KATNAL2: variants seen among roughly 807,000 people sequenced by gnomAD.
KATNAL2 encodes the protein katanin catalytic subunit A1 like 2.
A neutral mutation model predicts 76.3 loss-of-function variants in KATNAL2; 52 were observed. That is an observed-to-expected ratio of 0.68 (90% CI 0.55 to 0.86). KATNAL2 has a LOEUF of 0.86. KATNAL2 is among the 40% of genes least tolerant of loss of function. The pLI, the probability that KATNAL2 is intolerant of heterozygous loss-of-function variation, is 0.00. For missense variants in KATNAL2, 660 were observed against 668.9 expected, an observed-to-expected ratio of 0.99 and a Z score of 0.15; for synonymous variants, 243 against 244.2, an observed-to-expected ratio of 1.00 and a Z score of 0.05.
intron 1 of KATNAL2, among the ~76,000 whole-genome samples, chr18:46,921,341 T>G (rs1162123236): frequency 6.6e-6 from 1 of 152,196 alleles, no homozygotes; most frequent in African/African-American, 2.4e-5. Context: ...TTGGTCAGGC[T>G]AGTCTTGAAC....
At chr18:47,068,746 C>T (rs1208277975) in intron 11 of KATNAL2, among the ~76,000 whole-genome samples, 1 of 152,160 alleles carries the variant, frequency 6.6e-6, no homozygotes, top group Non-Finnish European at 1.5e-5. Flanking sequence ...AATGCGTTTG[C>T]CCCTGAATAT....
intron 3 of KATNAL2, among the ~76,000 whole-genome samples, chr18:46,950,614 C>G (rs932021083): frequency 4.6e-5 from 7 of 152,140 alleles, no homozygotes; most frequent in African/African-American, 1.7e-4. Flanking sequence ...TCAACTGGCC[C>G]TTACTTAATT....
chr18:47,088,420 C>T (rs965464968), intron 15 of KATNAL2, among the ~76,000 whole-genome samples: 2 of 152,194 alleles, frequency 1.3e-5, no homozygotes, highest in Non-Finnish European at 2.9e-5. Flanking sequence ...GCTACTCCAT[C>T]TTGGCCAAAG....
At chr18:46,920,199 T>TA in intron 1 of KATNAL2, 2 of 549,718 alleles carry the variant, frequency 3.6e-6, no homozygotes, top group South Asian at 3.0e-5. Flanking sequence ...TTAAGGACTG[T>TA]TATGTCATTC....
chr18:47,075,518 G>T (rs1441253769), intron 14 of KATNAL2, 150 bp downstream of exon 14: 1 of 468,370 alleles, frequency 2.1e-6, no homozygotes, highest in South Asian at 7.1e-5. Context: ...ACATGGAAAG[G>T]TCTTTAAATT....
At chr18:47,099,525 C>G in intron 16 of KATNAL2, 120 bp downstream of exon 16, 1 of 911,036 alleles carries the variant, frequency 1.1e-6, no homozygotes, top group Non-Finnish European at 1.6e-6. Context: ...ATCCAAGCTG[C>G]CCCCGTAATG....
intron 15 of KATNAL2, among the ~76,000 whole-genome samples, chr18:47,096,508 A>T (rs1359716630): frequency 6.6e-6 from 1 of 152,064 alleles, no homozygotes; most frequent in Non-Finnish European, 1.5e-5. Context: ...CACCCGGCTA[A>T]TTTTTATATT....
chr18:46,960,158 T>C (rs577772602), intron 3 of KATNAL2, among the ~76,000 whole-genome samples: 206 of 152,244 alleles, frequency 1.4e-3, no homozygotes, highest in Non-Finnish European at 2.4e-3. Flanking sequence ...AAAAAGCGGC[T>C]GGGCACTGTG....
intron 3 of KATNAL2, among the ~76,000 whole-genome samples, chr18:46,955,146 CTT>C: frequency 7.4e-6 from 1 of 135,064 alleles, no homozygotes; most frequent in African/African-American, 2.8e-5. Flanking sequence ...CTCTCTCTTT[CTT>C]TCTTTCTTTC....
rs759425409 is a variant in KATNAL2, at chr18:47,099,416, C to G, written c.1374+11C>G. 1 of 1,601,484 alleles carries G rather than the reference C, an allele frequency of 6.2e-7. No individual in the cohort carries two copies. The highest frequency in any genetic ancestry group is 1.7e-4 in the Middle Eastern group (1 of 6,014). On this transcript the variant is annotated intron_variant, in intron 16 of 17. Coordinates refer to ENST00000683218, the MANE Select transcript of KATNAL2 (RefSeq NM_001387690.1). ...AGTGTGCTGAGCCAGGTCAGCTGCC[C>G]TGGAGAGGGGCACATGTAGGTCAAG...
In KATNAL2 at chr18:47,069,522, A is replaced by G. The variant is rs749279294; in HGVS notation, c.930A>G (p.Glu310=). Reference sequence around the variant, plus strand: ...TACTGGCCAAAGCTGTGGCCACTGAATGTAAAACAACCTTCTTTAACATTT... The same window carrying G: ...TACTGGCCAAAGCTGTGGCCACTGAGTGTAAAACAACCTTCTTTAACATTT... ...KTLLAKAVAT[E]CKTTFFNISA... is the part of the protein sequence containing the mutation. Residue 310 remains glutamate (E), a synonymous_variant, in exon 13 of 18, where the codon GAA becomes GAG. Coordinates refer to ENST00000683218, the MANE Select transcript of KATNAL2 (RefSeq NM_001387690.1). 1 of 1,614,042 alleles carries G rather than the reference A, an allele frequency of 6.2e-7. No individual in the cohort carries two copies. The highest frequency in any genetic ancestry group is 1.1e-5 in the South Asian group (1 of 91,056).
intron 1 of KATNAL2, among the ~76,000 whole-genome samples, chr18:46,927,127 A>G (rs2058752809): frequency 6.6e-6 from 1 of 152,118 alleles, no homozygotes; most frequent in Non-Finnish European, 1.5e-5. Context: ...TCCTGTCATT[A>G]TGATGTTAGC....
At chr18:47,086,443 G>C (rs1243353951) in intron 15 of KATNAL2, among the ~76,000 whole-genome samples, 1 of 152,078 alleles carries the variant, frequency 6.6e-6, no homozygotes, top group African/African-American at 2.4e-5. Flanking sequence ...AACCTCCCAA[G>C]TAGCTGGGAT....
intron 3 of KATNAL2, among the ~76,000 whole-genome samples, chr18:47,042,942 C>G (rs961179693): frequency 1.3e-5 from 2 of 152,100 alleles, no homozygotes; most frequent in African/African-American, 2.4e-5. Context: ...AAAATGAGAT[C>G]GTAGGCTGGG....
At chr18:47,043,984 T>G (rs2147041056) in intron 3 of KATNAL2, among the ~76,000 whole-genome samples, 1 of 152,274 alleles carries the variant, frequency 6.6e-6, no homozygotes, top group East Asian at 1.9e-4. Flanking sequence ...CTCATCTGTC[T>G]TAAAGGAAGT....
At chr18:47,043,985 TA>T (rs2061062896) in intron 3 of KATNAL2, among the ~76,000 whole-genome samples, 1 of 152,114 alleles carries the variant, frequency 6.6e-6, no homozygotes, top group African/African-American at 2.4e-5. Context: ...TCATCTGTCT[TA>T]AAGGAAGTGA....
intron 13 of KATNAL2, among the ~76,000 whole-genome samples, 182 bp downstream of exon 13, chr18:47,069,782 C>T (rs1351313542): frequency 2.0e-5 from 3 of 152,012 alleles, no homozygotes; most frequent in African/African-American, 7.3e-5. Flanking sequence ...TAATTGTGCC[C>T]CCATCAGCAA....
At position 47,046,298 on chromosome 18, in the gene KATNAL2, G is replaced by A. The variant is rs1275754992; in HGVS notation, c.52-159G>A. The A allele has an allele frequency of 4.3e-5, 25 of 582,566 alleles. 1 individual carries two copies. In the Admixed American group the frequency reaches 8.0e-4, roughly 19 times the overall value. 36.1% of individuals were successfully genotyped at this position (582,566 alleles called of 1,614,324 possible). A position where few individuals can be genotyped will look rare whatever the true frequency, so the allele number is the denominator to read the frequency against. ...CAGCTGTGAGAAGAAAATAACAATG[G>A]AAAACAACTTTATATGTCCTTAGAG... On this transcript the variant is annotated intron_variant, in intron 3 of 17. Transcript: ENST00000683218.
In KATNAL2 at chr18:46,946,852, A is replaced by G. The variant is rs2059395857; in HGVS notation, c.-19-2A>G. 5 of 1,534,990 alleles carry G rather than the reference A, an allele frequency of 3.3e-6. No homozygotes were observed. Among genetic ancestry groups the G allele is most frequent in the Non-Finnish European group, 4.4e-6 (5 of 1,146,274 alleles). Reference sequence around the variant, plus strand: ...AACTGACTACTTTTCTCCCTTCTCTAGGGTCCTAGCACAGTGTCTGATGGA... The same window carrying G: ...AACTGACTACTTTTCTCCCTTCTCTGGGGTCCTAGCACAGTGTCTGATGGA... On this transcript the variant is annotated splice_acceptor_variant, in intron 2 of 17. Transcript: ENST00000683218. LOFTEE classifies it low-confidence loss of function (5UTR_SPLICE).
Sources: gnomAD v4.1 joint callset for allele counts (sites outside exome capture counted in the v4.1 genomes callset) on GRCh38, gnomAD v4.1.1 for gene constraint, MANE v1.5 for transcripts, NCBI Gene and HGNC (gene_info 2026-07-23, HGNC 2026-07-21) for gene names.